The following ATP10A variants were observed in gnomAD, a reference collection of about 807,000 sequenced individuals.
ATP10A encodes phospholipid-transporting ATPase VA.
A neutral mutation model predicts 147.8 loss-of-function variants in ATP10A; 111 were observed. That is an observed-to-expected ratio of 0.75 (90% CI 0.64 to 0.88). The LOEUF (loss-of-function observed/expected upper bound fraction) is 0.88. Among genes scored for constraint, ATP10A ranks in the 40% least tolerant of loss-of-function variants. The pLI is 0.00. For missense variants in ATP10A, 1,927 were observed against 1,959.0 expected (o/e 0.98, Z 0.31); for synonymous variants, 875 against 841.6 (o/e 1.04, Z -0.69).
rs200776388 is a variant in ATP10A, at chr15:25,837,702, G to A, written c.449+24946C>T. On this transcript the variant is annotated intron_variant, in intron 1 of 20. Transcript: ENST00000555815. ...GGGTAATGGACCAGAAGGCAAGCAC[G>A]TCCACAAACAGCAAACTGCCCGAAA... 2.6e-4 allele frequency among the ~76,000 whole-genome samples: 40 copies of A among 152,324 alleles called. No homozygotes were observed. The South Asian group carries it at 3.3e-3, about 13-fold the overall frequency.
At chr15:25,861,110 T>G (rs12906552) in intron 1 of ATP10A, among the ~76,000 whole-genome samples, 90,889 of 151,954 alleles carry the variant, frequency 0.6, 32,199 homozygotes, top group Non-Finnish European at 0.76. Flanking sequence ...TGACAGTCAC[T>G]CTTGCTGACT....
At chr15:25,804,522 A>G (rs1289415650) in intron 1 of ATP10A, among the ~76,000 whole-genome samples, 1 of 150,458 alleles carries the variant, frequency 6.6e-6, no homozygotes, top group East Asian at 1.9e-4. Context: ...GTGTACATGC[A>G]TGAATGAGCA....
intron 1 of ATP10A, among the ~76,000 whole-genome samples, chr15:25,835,925 C>A (rs953233964): frequency 2.0e-5 from 3 of 152,206 alleles, no homozygotes; most frequent in African/African-American, 7.2e-5. Context: ...GCCATTCTCC[C>A]GCCTCAGCCT....
At chr15:25,762,419 G>T (rs539723040) in intron 2 of ATP10A, among the ~76,000 whole-genome samples, 3 of 152,164 alleles carry the variant, frequency 2.0e-5, no homozygotes, top group Admixed American at 2.0e-4. Flanking sequence ...TGGGACTACA[G>T]GAATGCACCA....
downstream of ATP10A, among the ~76,000 whole-genome samples, chr15:25,675,871 G>A (rs1341518964): frequency 3.9e-5 from 6 of 152,166 alleles, no homozygotes; most frequent in African/African-American, 7.2e-5. Context: ...CTGTGGGCCC[G>A]GGAGGTAGAG....
At chr15:25,820,816 G>A (rs1275586192) in intron 1 of ATP10A, among the ~76,000 whole-genome samples, 3 of 152,028 alleles carry the variant, frequency 2.0e-5, no homozygotes, top group Non-Finnish European at 4.4e-5. Context: ...AAAACCATAA[G>A]GCAAACAGAA....
chr15:25,756,320 T>C (rs549802427), intron 2 of ATP10A, among the ~76,000 whole-genome samples: 9 of 152,344 alleles, frequency 5.9e-5, no homozygotes, highest in African/African-American at 2.2e-4. Flanking sequence ...TGCCAAAATA[T>C]ATGAGAGCTC....
chr15:25,691,742 C>A lies in ATP10A; in HGVS notation c.3138G>T (p.Val1046=), dbSNP rs1441190797. 1 of 1,614,212 alleles carries A rather than the reference C, an allele frequency of 6.2e-7. No individual in the cohort carries two copies. The highest frequency in any genetic ancestry group is 2.2e-5 in the East Asian group (1 of 44,872). ...VSMIQVADVG[V]GISGQEGMQA... ...GCATACCCTCCTGGCCGGAGATTCCCACACCCACATCTGCCACCTGGATCA... is the reference window on the plus strand; with the variant it reads ...GCATACCCTCCTGGCCGGAGATTCCAACACCCACATCTGCCACCTGGATCA... Residue 1046 remains valine, a synonymous_variant, in exon 15 of 21, where the codon GTG becomes GTT. Transcript: ENST00000555815.
chr15:25,820,286 C>G (rs1387084625), intron 1 of ATP10A, among the ~76,000 whole-genome samples: 2 of 152,060 alleles, frequency 1.3e-5, no homozygotes, highest in Non-Finnish European at 2.9e-5. Flanking sequence ...CACCATAACA[C>G]AAAAATTACA....
intron 17 of ATP10A, among the ~76,000 whole-genome samples, chr15:25,683,005 C>T (rs536789549): frequency 5.0e-4 from 76 of 152,202 alleles, no homozygotes; most frequent in Non-Finnish European, 1.0e-3. Context: ...AGAAAAATCC[C>T]CCCTCTAGCT....
In ATP10A at chr15:25,862,814, C is replaced by A; in HGVS notation, c.283G>T (p.Ala95Ser). The change falls in exon 1 of 21, where the codon GCG becomes TCG. Residue 95 changes from alanine (A) to serine (S), a missense_variant. Transcript: ENST00000555815. Reference sequence around the variant, plus strand: ...ACCGCCGGCACGAAGTTGAGCAGCGCGATGAAGACAAAGTACACGTTGGCC... The same window carrying A: ...ACCGCCGGCACGAAGTTGAGCAGCGAGATGAAGACAAAGTACACGTTGGCC... ...RPANVYFVFIALLNFVPAVNA... is the reference protein window; with the variant it reads ...RPANVYFVFISLLNFVPAVNA... 1.2e-6 allele frequency: 2 copies of A among 1,610,016 alleles called. No homozygotes were observed. The highest frequency in any genetic ancestry group is 2.2e-5 in the South Asian group (2 of 90,324).
chr15:25,798,701 C>T (rs1890799173), intron 1 of ATP10A, among the ~76,000 whole-genome samples: 1 of 152,160 alleles, frequency 6.6e-6, no homozygotes, highest in Admixed American at 6.5e-5. Flanking sequence ...AAACAGCGCC[C>T]AGGTCTCCAC....
intron 1 of ATP10A, among the ~76,000 whole-genome samples, chr15:25,816,458 T>C (rs1449648606): frequency 6.6e-6 from 1 of 152,144 alleles, no homozygotes; most frequent in African/African-American, 2.4e-5. Context: ...AATAATAAAA[T>C]TGGTTCTACA....
At chr15:25,816,984 A>AG (rs1891685435) in intron 1 of ATP10A, among the ~76,000 whole-genome samples, 1 of 151,888 alleles carries the variant, frequency 6.6e-6, no homozygotes, top group Admixed American at 6.6e-5. Flanking sequence ...AGGAAAAAAA[A>AG]ATCCTACCTG....
chr15:25,834,148 T>C (rs1892491885), intron 1 of ATP10A, among the ~76,000 whole-genome samples: 1 of 152,184 alleles, frequency 6.6e-6, no homozygotes, highest in Admixed American at 6.5e-5. Context: ...ACACCATAAA[T>C]ATACACAATT....
intron 14 of ATP10A, among the ~76,000 whole-genome samples, chr15:25,692,473 A>G (rs1900089132): frequency 6.6e-6 from 1 of 152,230 alleles, no homozygotes; most frequent in South Asian, 2.1e-4. Flanking sequence ...GAAGAGCCCA[A>G]ATCAGGGCAT....
At chr15:25,715,898 T>C (rs560026782) in intron 9 of ATP10A, among the ~76,000 whole-genome samples, 2 of 152,278 alleles carry the variant, frequency 1.3e-5, no homozygotes, top group East Asian at 3.9e-4. Context: ...CATTCAAAAC[T>C]GCCTGGTTCC....
Position 25,846,136 on chromosome 15 carries a change from G to T in ATP10A, c.449+16512C>A, listed in dbSNP as rs571116750. Among the ~76,000 whole-genome samples, 3 of 152,250 alleles carry T rather than the reference G, an allele frequency of 2.0e-5. No individual in the cohort carries two copies. The East Asian group carries it at 5.8e-4, about 29-fold the overall frequency. ...CGTAGAGGCTGAATGCAGAACGGTT[G>T]TTGCCAGGGGCTGGGCATGGGGGAA... On this transcript the variant is annotated intron_variant, in intron 1 of 20. Transcript: ENST00000555815.
intron 1 of ATP10A, among the ~76,000 whole-genome samples, chr15:25,839,215 G>A (rs1175579507): frequency 6.6e-6 from 1 of 152,274 alleles, no homozygotes; most frequent in South Asian, 2.1e-4. Context: ...TAACTCCAGC[G>A]TATGTGCGTC....
Sources: allele counts gnomAD v4.1 joint callset (sites outside exome capture counted in the v4.1 genomes callset), GRCh38; gene constraint gnomAD v4.1.1; transcripts MANE v1.5; gene names NCBI Gene and HGNC (gene_info 2026-07-23, HGNC 2026-07-21).